GRIK2: variants seen among roughly 807,000 people sequenced by gnomAD.
GRIK2 encodes glutamate receptor ionotropic, kainate 2.
A neutral mutation model predicts 100.3 loss-of-function variants in GRIK2; 32 were observed. That is an observed-to-expected ratio of 0.32 (90% CI 0.24 to 0.43). The LOEUF is 0.43. GRIK2 is among the 20% of genes least tolerant of loss of function. GRIK2 has a pLI of 1.00. For synonymous variants in GRIK2, 417 were observed against 389.4 expected (o/e 1.07, Z -0.83); for missense variants, 843 against 1,114.9 (o/e 0.76, Z 3.47).
At chr6:101,831,722 T>A (rs774606447) in intron 10 of GRIK2, among the ~76,000 whole-genome samples, 20 of 152,202 alleles carry the variant, frequency 1.3e-4, no homozygotes, top group Non-Finnish European at 2.5e-4. Flanking sequence ...GCATGTCCAA[T>A]TCAATTTCTG....
chr6:101,935,788 A>G (rs1790578442), intron 14 of GRIK2, among the ~76,000 whole-genome samples: 1 of 152,080 alleles, frequency 6.6e-6, no homozygotes, highest in African/African-American at 2.4e-5. Flanking sequence ...AAAGTAAATT[A>G]GTACACAATT....
intron 2 of GRIK2, among the ~76,000 whole-genome samples, chr6:101,552,884 ACT>A (rs1256116636): frequency 1.3e-5 from 2 of 152,126 alleles, no homozygotes; most frequent in Non-Finnish European, 2.9e-5. Flanking sequence ...TCTAAAAAAC[ACT>A]CTATGTCTGA....
At chr6:101,474,427 C>T (rs1444245454) in intron 2 of GRIK2, among the ~76,000 whole-genome samples, 1 of 151,822 alleles carries the variant, frequency 6.6e-6, no homozygotes, top group East Asian at 1.9e-4. Flanking sequence ...AGCTTTAACA[C>T]ATATTTCTTA....
At chr6:101,818,621 T>G (rs1781774658) in intron 10 of GRIK2, 138 bp downstream of exon 10, 1 of 593,360 alleles carries the variant, frequency 1.7e-6, no homozygotes, top group East Asian at 2.9e-5. Context: ...AACAGATGAG[T>G]CAATGTTAAT....
At chr6:101,876,962 G>C (rs1240874338) in intron 11 of GRIK2, among the ~76,000 whole-genome samples, 1 of 151,814 alleles carries the variant, frequency 6.6e-6, no homozygotes, top group Non-Finnish European at 1.5e-5. Context: ...TGTCATAACA[G>C]GTGAAGTTGA....
intron 2 of GRIK2, among the ~76,000 whole-genome samples, chr6:101,426,050 C>G (rs1776682402): frequency 6.6e-6 from 1 of 152,204 alleles, no homozygotes. Flanking sequence ...TTACCCACAT[C>G]TATTGAGAGG....
intron 2 of GRIK2, among the ~76,000 whole-genome samples, chr6:101,432,773 A>G (rs1225355758): frequency 6.6e-6 from 1 of 152,170 alleles, no homozygotes; most frequent in Non-Finnish European, 1.5e-5. Flanking sequence ...CACAATAGTG[A>G]CCATATAAGC....
chr6:101,502,035 G>A (rs1562184141), intron 2 of GRIK2, among the ~76,000 whole-genome samples: 1 of 152,114 alleles, frequency 6.6e-6, no homozygotes, highest in Non-Finnish European at 1.5e-5. Flanking sequence ...CACTGTGCTG[G>A]CCAGTTCCTT....
chr6:101,858,553 A>T (rs1784561668), intron 10 of GRIK2, among the ~76,000 whole-genome samples: 2 of 150,326 alleles, frequency 1.3e-5, no homozygotes, highest in African/African-American at 2.5e-5. Context: ...CGCCCAGCTA[A>T]TTTTTTTTGT....
At chr6:101,462,512 C>T (rs890078266) in intron 2 of GRIK2, among the ~76,000 whole-genome samples, 1 of 152,106 alleles carries the variant, frequency 6.6e-6, no homozygotes, top group Admixed American at 6.5e-5. Flanking sequence ...CACAATTTCT[C>T]TGTTTTATAG....
intron 2 of GRIK2, among the ~76,000 whole-genome samples, chr6:101,601,280 A>C (rs1047909591): frequency 6.6e-6 from 1 of 151,858 alleles, no homozygotes; most frequent in Non-Finnish European, 1.5e-5. Flanking sequence ...CTCAGGAATG[A>C]ACCTTACTTG....
At chr6:101,849,133 A>G (rs376471433) in intron 10 of GRIK2, among the ~76,000 whole-genome samples, 4 of 152,004 alleles carry the variant, frequency 2.6e-5, no homozygotes, top group Admixed American at 2.6e-4. Context: ...AGTAAAGCAG[A>G]CTTTCCGAAT....
chr6:101,688,074 TTTA>T (rs1470303236), intron 7 of GRIK2, among the ~76,000 whole-genome samples: 4 of 147,126 alleles, frequency 2.7e-5, no homozygotes, highest in East Asian at 1.9e-4. Flanking sequence ...TATAAAAATA[TTTA>T]TTATATAAAA....
chr6:101,744,150 G>T (rs1197295672), intron 7 of GRIK2, among the ~76,000 whole-genome samples: 3 of 151,858 alleles, frequency 2.0e-5, no homozygotes, highest in African/African-American at 7.3e-5. Context: ...CAACATGTTG[G>T]CCAGGATGTT....
chr6:101,707,996 C>T (rs1773456706), intron 7 of GRIK2, among the ~76,000 whole-genome samples: 1 of 151,684 alleles, frequency 6.6e-6, no homozygotes, highest in Non-Finnish European at 1.5e-5. Context: ...GTTAAAATTG[C>T]ATTCATTCAC....
intron 5 of GRIK2, among the ~76,000 whole-genome samples, chr6:101,679,389 G>T (rs1460801676): frequency 6.6e-6 from 1 of 152,114 alleles, no homozygotes; most frequent in Non-Finnish European, 1.5e-5. Flanking sequence ...CCAGCTTAAT[G>T]TTGGGGTTTC....
chr6:101,645,858 C>G (rs1362956863), intron 4 of GRIK2, among the ~76,000 whole-genome samples: 1 of 151,806 alleles, frequency 6.6e-6, no homozygotes, highest in Non-Finnish European at 1.5e-5. Flanking sequence ...ATGTTAGTAT[C>G]CTTTCTGCTC....
chr6:101,908,273 T>G (rs1788380872), intron 12 of GRIK2, among the ~76,000 whole-genome samples: 1 of 9,956 alleles, frequency 1.0e-4, no homozygotes, highest in Non-Finnish European at 1.9e-4. Context: ...GCAAAAATAA[T>G]TACGGTTTTG....
chr6:101,940,819 CA>C (rs1188051502), intron 14 of GRIK2, among the ~76,000 whole-genome samples: 2 of 152,048 alleles, frequency 1.3e-5, no homozygotes, highest in African/African-American at 4.8e-5. Flanking sequence ...TTATAGAGCA[CA>C]TGTAATACAT....
Sources: gnomAD v4.1 joint callset for allele counts (sites outside exome capture counted in the v4.1 genomes callset) on GRCh38, gnomAD v4.1.1 for gene constraint, MANE v1.5 for transcripts, NCBI Gene and HGNC (gene_info 2026-07-23, HGNC 2026-07-21) for gene names.